Variants in VRK3 observed in about 807,000 individuals in gnomAD.
VRK3 encodes the protein VRK serine/threonine kinase 3.
Under a neutral mutation model 60.4 loss-of-function variants are expected in VRK3, and 50 were observed. The ratio of observed to expected loss-of-function variants is 0.83; its 90% CI spans 0.66 to 1.05. The LOEUF (loss-of-function observed/expected upper bound fraction) is 1.05, where lower values mean the gene tolerates loss of function less well. Ranked by LOEUF, VRK3 falls within the 50% of genes least tolerant of loss-of-function variation. The pLI is 0.00. For synonymous variants in VRK3, 246 were observed against 227.8 expected (o/e 1.08, Z -0.72); for missense variants, 549 against 585.3 (o/e 0.94, Z 0.64).
At chr19:50,005,359 C>T (rs2076874666) in intron 5 of VRK3, among the ~76,000 whole-genome samples, 2 of 149,308 alleles carry the variant, frequency 1.3e-5, no homozygotes, top group South Asian at 4.1e-4. Flanking sequence ...GCCTGTCTGG[C>T]CAGCAGGCAC....
intron 12 of VRK3, among the ~76,000 whole-genome samples, chr19:49,987,222 G>A (rs550071995): frequency 6.6e-6 from 1 of 152,146 alleles, no homozygotes; most frequent in Non-Finnish European, 1.5e-5. Context: ...CGCCCGCTAG[G>A]ATCAGCTGCC....
chr19:50,000,888 A>G (rs1475431990), intron 5 of VRK3, 34 bp from the exon 6 acceptor site: 2 of 1,598,782 alleles, frequency 1.3e-6, no homozygotes, highest in Admixed American at 3.4e-5. Context: ...TGAGGTTATA[A>G]CCACGCGGAA....
At chr19:49,981,868 A>G in intron 12 of VRK3, 1 of 1,198,770 alleles carries the variant, frequency 8.3e-7, no homozygotes, top group African/African-American at 1.6e-5. Context: ...GTATCCAAAC[A>G]TTTTGAGGAG....
chr19:50,004,009 T>A (rs2076852636), intron 5 of VRK3, among the ~76,000 whole-genome samples: 1 of 152,246 alleles, frequency 6.6e-6, no homozygotes, highest in African/African-American at 2.4e-5. Flanking sequence ...GAGACCAGCC[T>A]GGCCAACATA....
At chr19:50,003,474 C>T (rs1022239125) in intron 5 of VRK3, among the ~76,000 whole-genome samples, 5 of 152,232 alleles carry the variant, frequency 3.3e-5, no homozygotes, top group African/African-American at 4.8e-5. Flanking sequence ...CCAAGTGCAC[C>T]GCAGTGAGCA....
At chr19:50,000,919 A>G in intron 5 of VRK3, 65 bp from the exon 6 acceptor site, 1 of 1,510,354 alleles carries the variant, frequency 6.6e-7, no homozygotes. Flanking sequence ...ATCATCCCCA[A>G]ACTTCCCAGC....
In VRK3 at chr19:50,007,750, G is replaced by A. The variant is rs1391135056; in HGVS notation, c.366C>T (p.Ser122=). The A allele has an allele frequency of 1.2e-6, 2 of 1,613,624 alleles. No individual in the cohort carries two copies. The highest frequency in any genetic ancestry group is 1.7e-4 in the Middle Eastern group (1 of 6,060). Residue 122 remains serine (S), a synonymous_variant, in exon 5 of 15, where the codon AGC becomes AGT. Transcript: ENST00000316763. ...GAGGGCTACAGCTGGTCTTCTGAGG[G>A]CTACCCCTGGTCACCTGAGGGCTCT... The part of the protein sequence containing the change: ...TRKSPQVTRG[S]PQKTSCSPQK...
At chr19:49,980,064 A>G (rs10416607) in intron 13 of VRK3, among the ~76,000 whole-genome samples, 1,843 of 151,228 alleles carry the variant, frequency 0.012, 26 homozygotes, top group African/African-American at 0.043. Context: ...AAAATAATAA[A>G]ATAAATTTTA....
chr19:50,001,541 G>GC (rs11427373), intron 5 of VRK3: 81,606 of 152,016 alleles, frequency 0.54, 24,451 homozygotes, highest in East Asian at 0.8. Context: ...CTGCATCGCA[G>GC]CCCACCTCCT....
At chr19:50,003,984 T>C (rs933423589) in intron 5 of VRK3, among the ~76,000 whole-genome samples, 6 of 152,248 alleles carry the variant, frequency 3.9e-5, no homozygotes, top group Admixed American at 1.3e-4. Context: ...GAGGATGGCT[T>C]GAGGCCAAGA....
chr19:49,985,383 G>A (rs1568775344), intron 12 of VRK3, among the ~76,000 whole-genome samples: 2 of 152,222 alleles, frequency 1.3e-5, no homozygotes, highest in South Asian at 2.1e-4. Context: ...GGTTGCCTGC[G>A]GAAGTCTGGG....
At chr19:50,010,259 T>G (rs2122491836) in intron 3 of VRK3, among the ~76,000 whole-genome samples, 1 of 152,338 alleles carries the variant, frequency 6.6e-6, no homozygotes, top group African/African-American at 2.4e-5. Flanking sequence ...TTTTATTTAT[T>G]TAAATGTATT....
At chr19:50,013,584 T>C (rs1304900349) in intron 3 of VRK3, among the ~76,000 whole-genome samples, 25 of 152,222 alleles carry the variant, frequency 1.6e-4, no homozygotes, top group Non-Finnish European at 2.9e-5. Flanking sequence ...GTCCGATGGA[T>C]AAACCTTCTT....
At chr19:49,986,089 C>T (rs531604907) in intron 12 of VRK3, among the ~76,000 whole-genome samples, 34 of 152,344 alleles carry the variant, frequency 2.2e-4, no homozygotes, top group African/African-American at 7.9e-4. Flanking sequence ...AAAATGACGA[C>T]ACACATCCCC....
At chr19:50,014,680 C>T (rs890315105) in intron 3 of VRK3, among the ~76,000 whole-genome samples, 6 of 152,200 alleles carry the variant, frequency 3.9e-5, no homozygotes, top group Non-Finnish European at 5.9e-5. Context: ...AGCGCACAGG[C>T]TGAGGCCCAG....
chr19:49,987,427 G>A (rs1229091747), intron 12 of VRK3, among the ~76,000 whole-genome samples: 1 of 150,402 alleles, frequency 6.6e-6, no homozygotes, highest in Non-Finnish European at 1.5e-5. Flanking sequence ...CATACCCCTA[G>A]TGCTCCCTCT....
chr19:50,023,566 T>C (rs2077204936), intron 1 of VRK3, among the ~76,000 whole-genome samples: 2 of 152,260 alleles, frequency 1.3e-5, no homozygotes, highest in African/African-American at 4.8e-5. Flanking sequence ...CCTGACATAC[T>C]CTGACTTACT....
rs1202837622 is a variant in VRK3, at chr19:50,007,846, T to C, written c.290-20A>G. 6.2e-7 allele frequency: 1 copy of C among 1,613,720 alleles called. No individual in the cohort carries two copies. Among genetic ancestry groups the C allele is most frequent in the Non-Finnish European group, 8.5e-7 (1 of 1,179,844 alleles). On this transcript the variant is annotated intron_variant, in intron 4 of 14. Transcript: ENST00000316763. ...CGGAGCCTGCAGGAGGATGTAAGAA[T>C]AAAGTAAAAGCACCATCCAGGAGAG...
chr19:50,021,452 G>A lies in VRK3; in HGVS notation c.-64-805C>T, dbSNP rs994017959. ...CTCACCCATGGAAGCCAGTTTCCAC[G>A]GCATGAGGCAGCCTAAAGTAGCCCA... is the stretch of plus-strand genomic sequence containing the variant. On this transcript the variant is annotated intron_variant, in intron 1 of 14. Coordinates refer to ENST00000316763, the MANE Select transcript of VRK3 (RefSeq NM_016440.4). Among the ~76,000 whole-genome samples, 10 of 152,316 alleles carry A rather than the reference G, an allele frequency of 6.6e-5. No homozygotes were observed. In the East Asian group the frequency reaches 1.4e-3, roughly 21 times the overall value.
Sources: allele counts gnomAD v4.1 joint callset (sites outside exome capture counted in the v4.1 genomes callset), GRCh38; gene constraint gnomAD v4.1.1; transcripts MANE v1.5; gene names NCBI Gene and HGNC (gene_info 2026-07-23, HGNC 2026-07-21).